Variants in POLR3G observed in about 807,000 individuals in gnomAD.
POLR3G encodes DNA-directed RNA polymerase III subunit RPC7.
A neutral mutation model predicts 30.1 loss-of-function variants in POLR3G; 28 were observed. The observed-to-expected ratio is 0.93, with a 90% CI of 0.69 to 1.27. The LOEUF (loss-of-function observed/expected upper bound fraction) is 1.27, where lower values mean the gene tolerates loss of function less well. POLR3G is among the 50% of genes most tolerant of loss of function. The pLI, the probability that POLR3G is intolerant of heterozygous loss-of-function variation, is 0.00. For missense variants in POLR3G, 254 were observed against 264.6 expected, an observed-to-expected ratio of 0.96 and a Z score of 0.28; for synonymous variants, 79 against 82.5, an observed-to-expected ratio of 0.96 and a Z score of 0.23.
intron 1 of POLR3G, among the ~76,000 whole-genome samples, chr5:90,477,782 A>G (rs1391781785): frequency 6.6e-6 from 1 of 152,238 alleles, no homozygotes; most frequent in East Asian, 1.9e-4. Flanking sequence ...AAGCAACAAA[A>G]GCAGATACTT....
chr5:90,484,102 A>G (rs1751287853), intron 1 of POLR3G, among the ~76,000 whole-genome samples: 1 of 152,216 alleles, frequency 6.6e-6, no homozygotes, highest in African/African-American at 2.4e-5. Flanking sequence ...ACTCTTGCCC[A>G]ATCCTCACCC....
At position 90,480,033 on chromosome 5, in the gene POLR3G, A is replaced by G. The variant is rs936722501; in HGVS notation, c.-44+5013A>G. Among the ~76,000 whole-genome samples the G allele has an allele frequency of 5.9e-5, 9 of 152,204 alleles. No homozygotes were observed. In the East Asian group the frequency reaches 1.7e-3, roughly 29 times the overall value. ...TGGTAGAGAAATTGCAAAGAAAGTG[A>G]CATTTAGAAAGAATATGATTGATCA... On this transcript the variant is annotated intron_variant, in intron 1 of 7. Transcript: ENST00000651687.
At chr5:90,478,151 T>C (rs1248563871) in intron 1 of POLR3G, among the ~76,000 whole-genome samples, 1 of 152,196 alleles carries the variant, frequency 6.6e-6, no homozygotes, top group Non-Finnish European at 1.5e-5. Flanking sequence ...ATTTCAGAGA[T>C]TAGCTCAGCA....
intron 2 of POLR3G, among the ~76,000 whole-genome samples, chr5:90,486,263 T>G (rs1436502312): frequency 6.6e-6 from 1 of 152,236 alleles, no homozygotes; most frequent in Non-Finnish European, 1.5e-5. Flanking sequence ...TCTCTGCGTT[T>G]TGCTCTTGGT....
At chr5:90,474,011 C>G (rs781116552), upstream of POLR3G, 7 of 1,597,400 alleles carry the variant, frequency 4.4e-6, no homozygotes, top group Non-Finnish European at 6.0e-6. Flanking sequence ...CGCGGTCGAA[C>G]TGGTAGAGGC....
chr5:90,476,802 A>AG (rs1750848777), intron 1 of POLR3G, among the ~76,000 whole-genome samples: 1 of 152,182 alleles, frequency 6.6e-6, no homozygotes, highest in Admixed American at 6.5e-5. Flanking sequence ...TACTTTTGTC[A>AG]GGCTTATGCT....
chr5:90,476,729 C>G (rs1483943049), intron 1 of POLR3G, among the ~76,000 whole-genome samples: 3 of 152,172 alleles, frequency 2.0e-5, no homozygotes, highest in Non-Finnish European at 4.4e-5. Context: ...TTCCAGGTCC[C>G]CCTGCCTGCA....
chr5:90,506,470 C>A, intron 6 of POLR3G, 58 bp from the exon 7 acceptor site: 1 of 1,560,210 alleles, frequency 6.4e-7, no homozygotes, highest in South Asian at 1.3e-5. Flanking sequence ...TAAGGCTAAG[C>A]AGGGAAGTCA....
intron 1 of POLR3G, among the ~76,000 whole-genome samples, chr5:90,483,792 G>C (rs1332356836): frequency 6.6e-6 from 1 of 152,146 alleles, no homozygotes; most frequent in Non-Finnish European, 1.5e-5. Context: ...CTGTCTAAAA[G>C]TGCAATGCCT....
At position 90,512,887 on chromosome 5, in the gene POLR3G, G is replaced by C. The variant is rs1159541242; in HGVS notation, c.*748G>C. 1.3e-5 allele frequency: 2 copies of C among 152,050 alleles called. No individual in the cohort carries two copies. The highest frequency in any genetic ancestry group is 6.6e-5 in the Admixed American group (1 of 15,254). The allele number at this position is 152,050 out of a possible 1,614,324, so 9.4% of individuals were successfully genotyped here. ...TTGGGCTTATGAAAAATTTGACTAA[G>C]ACATTTTATTTTATACTTTATGTAA... On this transcript the variant is annotated 3_prime_UTR_variant, in exon 8 of 8. Transcript: ENST00000651687.
intron 1 of POLR3G, among the ~76,000 whole-genome samples, chr5:90,483,959 A>C (rs1407590130): frequency 1.3e-5 from 2 of 152,214 alleles, no homozygotes; most frequent in Non-Finnish European, 2.9e-5. Flanking sequence ...GATGAGATCT[A>C]TGAAGTCCTT....
At chr5:90,490,038 T>A (rs528247540) in intron 3 of POLR3G, among the ~76,000 whole-genome samples, 1 of 151,732 alleles carries the variant, frequency 6.6e-6, no homozygotes, top group South Asian at 2.1e-4. Context: ...ACCCGAGAGG[T>A]GGAGGTTGCA....
chr5:90,506,876 G>T (rs1466885266), intron 7 of POLR3G, among the ~76,000 whole-genome samples: 1 of 152,152 alleles, frequency 6.6e-6, no homozygotes, highest in African/African-American at 2.4e-5. Context: ...AAATTATAAT[G>T]ATGTCAAATT....
chr5:90,488,285 A>G (rs981279448), intron 3 of POLR3G, among the ~76,000 whole-genome samples, 156 bp downstream of exon 3: 1 of 152,222 alleles, frequency 6.6e-6, no homozygotes, highest in South Asian at 2.1e-4. Flanking sequence ...TAACAGAAAA[A>G]ATACTTTAAA....
intron 3 of POLR3G, among the ~76,000 whole-genome samples, chr5:90,491,104 A>G (rs895808327): frequency 6.6e-6 from 1 of 152,236 alleles, no homozygotes; most frequent in Non-Finnish European, 1.5e-5. Context: ...CAGGGCATTG[A>G]GATCAGTCCT....
intron 3 of POLR3G, among the ~76,000 whole-genome samples, chr5:90,494,762 T>A (rs1274722732): frequency 6.6e-6 from 1 of 152,176 alleles, no homozygotes; most frequent in Non-Finnish European, 1.5e-5. Flanking sequence ...ATCTGTTCTT[T>A]TATCTGTTAT....
intron 1 of POLR3G, among the ~76,000 whole-genome samples, chr5:90,481,357 T>G (rs1751115471): frequency 6.6e-6 from 1 of 152,000 alleles, no homozygotes; most frequent in Non-Finnish European, 1.5e-5. Context: ...AACCCAAATC[T>G]AAACCTCTAG....
At chr5:90,497,330 G>T (rs1309298938) in intron 4 of POLR3G, among the ~76,000 whole-genome samples, 1 of 151,808 alleles carries the variant, frequency 6.6e-6, no homozygotes, top group Non-Finnish European at 1.5e-5. Flanking sequence ...GAAATATAAA[G>T]TGGTCAAATA....
intron 6 of POLR3G, chr5:90,502,505 T>A: frequency 1.9e-6 from 1 of 526,862 alleles, no homozygotes; most frequent in Non-Finnish European, 2.4e-6. Flanking sequence ...GTTAAAGCAC[T>A]GAAAATTTTA....
Sources: allele counts gnomAD v4.1 joint callset (sites outside exome capture counted in the v4.1 genomes callset), GRCh38; gene constraint gnomAD v4.1.1; transcripts MANE v1.5; gene names NCBI Gene and HGNC (gene_info 2026-07-23, HGNC 2026-07-21).